The following SYMPK variants were observed in gnomAD, a reference collection of about 807,000 sequenced individuals.
SYMPK encodes symplekin scaffold protein.
In SYMPK, 49 loss-of-function variants were observed where a neutral mutation model predicts 136.4. The ratio of observed to expected loss-of-function variants is 0.36; its 90% CI spans 0.29 to 0.46. SYMPK has a LOEUF of 0.46. Ranked by LOEUF, SYMPK falls within the 20% of genes least tolerant of loss-of-function variation. The pLI is 1.00. For synonymous variants in SYMPK, 766 were observed against 713.0 expected (o/e 1.07, Z -1.19); for missense variants, 1,365 against 1,690.0 (o/e 0.81, Z 3.37).
chr19:45,815,769 C>A, intron 26 of SYMPK, 72 bp from the exon 27 acceptor site: 2 of 1,587,734 alleles, frequency 1.3e-6, no homozygotes, highest in Non-Finnish European at 1.7e-6. Flanking sequence ...TCAGGCCCTG[C>A]CCCCTGATGG....
rs543349058 is a variant in SYMPK at position 45,827,934 on chromosome 19, G to A, written c.1986-16C>T. On this transcript the variant is annotated splice_polypyrimidine_tract_variant and intron_variant, in intron 14 of 26. Transcript: ENST00000245934. ...GGTGAAGATCCTGCCAGAGATGGAG[G>A]GAGGGCCATGGCTGCAGAGGAAGAG... 1.2e-6 allele frequency: 2 copies of A among 1,613,150 alleles called. No individual in the cohort carries two copies. The highest frequency in any genetic ancestry group is 1.7e-5 in the Admixed American group (1 of 60,014).
chr19:45,829,052 C>T lies in SYMPK; in HGVS notation c.1903G>A (p.Ala635Thr). ...TCATACTTGTCCAGGGAGCCCGAGG[C>T]ACCTGCGGCCAGGTAGGCGTTGTAC... ...QEYNAYLAAG[A>T]SGSLDKYEDC... The change falls in exon 14 of 27, where the codon GCC becomes ACC. Residue 635 changes from alanine to threonine, a missense_variant. Ala to Thr is a moderately conservative substitution (Grantham distance 58, BLOSUM62 0). Coordinates refer to ENST00000245934, the MANE Select transcript of SYMPK (RefSeq NM_004819.3). The T allele has an allele frequency of 6.2e-7, 1 of 1,614,154 alleles. No homozygotes were observed. The highest frequency in any genetic ancestry group is 1.7e-5 in the Admixed American group (1 of 60,022).
In SYMPK at chr19:45,827,555, C is replaced by T. The variant is rs1200835634; in HGVS notation, c.2136G>A (p.Gln712=). 1.2e-6 allele frequency: 2 copies of T among 1,614,038 alleles called. No individual in the cohort carries two copies. Among genetic ancestry groups the T allele is most frequent in the African/African-American group, 2.7e-5 (2 of 74,920 alleles). ...LIFKRPSRQF[Q]YLHVLLDLSS... ...TGAGGTCGAGGAGGACATGCAGGTA[C>T]TGGAACTGGCGGGACGGGCGCTTGA... Residue 712 remains glutamine (Q), a synonymous_variant, in exon 16 of 27, where the codon CAG becomes CAA. Coordinates refer to ENST00000245934, the MANE Select transcript of SYMPK (RefSeq NM_004819.3).
rs1240648306 is a variant in SYMPK at position 45,815,999 on chromosome 19, G to C, written c.3539C>G (p.Pro1180Arg). ...SSPSPSPSAR[P>R]GPPPSEEAMD... is the part of the protein sequence containing the mutation. ...GGCTTCCTCAGACGGGGGCGGGCCT[G>C]GCCGGGCCGACGGAGAGGGAGAGGG... The change falls in exon 26 of 27, where the codon CCA becomes CGA. Residue 1180 changes from proline to arginine, a missense_variant. Pro to Arg is a moderately radical substitution (Grantham distance 103). Around this residue, in one of 11 missense-constraint regions of SYMPK, gnomAD observed 341 missense variants for 270.5 expected, o/e 1.26. Transcript: ENST00000245934. The C allele has an allele frequency of 1.2e-5, 19 of 1,603,798 alleles. No homozygotes were observed. Among genetic ancestry groups the C allele is most frequent in the Non-Finnish European group, 1.5e-5 (18 of 1,175,920 alleles).
chr19:45,831,523 C>G lies in SYMPK; in HGVS notation c.1459G>C (p.Val487Leu). Residue 487 changes from valine (V) to leucine (L), a missense_variant, in exon 12 of 27, where the codon GTC becomes CTC. Transcript: ENST00000245934. The stretch of plus-strand genomic sequence containing the variant: ...GCTGACAGGCGCCGCTTGATCAGGA[C>G]GCTCTCTGTCTTCACCACCTTCTCC... ...KEEKVVKTES[V>L]LIKRRLSAQG... The G allele has an allele frequency of 3.1e-6, 5 of 1,611,718 alleles. No individual in the cohort carries two copies. The highest frequency in any genetic ancestry group is 4.2e-6 in the Non-Finnish European group (5 of 1,179,162).
In SYMPK at chr19:45,825,185, C is replaced by T. The variant is rs766793642; in HGVS notation, c.2476G>A (p.Val826Ile). 1 of 1,613,570 alleles carries T rather than the reference C, an allele frequency of 6.2e-7. No homozygotes were observed. The highest frequency in any genetic ancestry group is 1.1e-5 in the South Asian group (1 of 91,042). ...AGGGGCCTCACCGGCTGCTCAATGA[C>T]CCTCAGCACCGTCCGCTTGATGTCG... The part of the protein sequence containing the change: ...IADIKRTVLR[V>I]IEQPIRGMGM... Residue 826 changes from valine to isoleucine, a missense_variant, in exon 18 of 27, where the codon GTC (valine) becomes ATC (isoleucine). Coordinates refer to ENST00000245934, the MANE Select transcript of SYMPK (RefSeq NM_004819.3).
At chr19:45,849,480 G>A (rs552282367) in intron 5 of SYMPK, among the ~76,000 whole-genome samples, 152 of 152,248 alleles carry the variant, frequency 1.0e-3, no homozygotes, top group African/African-American at 3.4e-3. Context: ...TAGGAGCTCA[G>A]CACAGAATTT....
intron 18 of SYMPK, chr19:45,824,129 C>T (rs1970978600): frequency 4.0e-6 from 2 of 494,478 alleles, no homozygotes; most frequent in East Asian, 7.5e-5. Context: ...GGCCACTCCT[C>T]TGTGGCTCAG....
intron 18 of SYMPK, among the ~76,000 whole-genome samples, chr19:45,824,341 C>A (rs1282429644): frequency 1.3e-5 from 2 of 152,174 alleles, no homozygotes; most frequent in Non-Finnish European, 2.9e-5. Flanking sequence ...TCCACCTCTG[C>A]CCAGTAACGT....
chr19:45,857,559 G>T (rs1204793073), intron 1 of SYMPK, among the ~76,000 whole-genome samples: 3 of 147,828 alleles, frequency 2.0e-5, no homozygotes, highest in Non-Finnish European at 4.5e-5. Flanking sequence ...TGGCGTGATC[G>T]TGGCTCACTG....
chr19:45,823,795 C>G lies in SYMPK; in HGVS notation c.2571G>C (p.Thr857=). Residue 857 remains threonine (T), a synonymous_variant, in exon 19 of 27, where the codon ACG becomes ACC. Coordinates refer to ENST00000245934, the MANE Select transcript of SYMPK (RefSeq NM_004819.3). The part of the protein sequence containing the change: ...NCPKGAETLV[T]RCLHSLTDKV... ...TGTCTGTGAGGCTGTGCAGACATCT[C>G]GTGACCAGTGTCTCTGCTCCCTTGG... 6.2e-7 allele frequency: 1 copy of G among 1,613,926 alleles called. No individual in the cohort carries two copies. Among genetic ancestry groups the G allele is most frequent in the Non-Finnish European group, 8.5e-7 (1 of 1,179,940 alleles).
At chr19:45,845,545 C>A (rs1480598529) in intron 7 of SYMPK, among the ~76,000 whole-genome samples, 1 of 152,076 alleles carries the variant, frequency 6.6e-6, no homozygotes, top group Admixed American at 6.6e-5. Flanking sequence ...TTTTTTATGG[C>A]TGAATAGTAT....
chr19:45,827,721 G>T, intron 15 of SYMPK, 98 bp from the exon 16 acceptor site: 2 of 1,491,180 alleles, frequency 1.3e-6, no homozygotes, highest in Non-Finnish European at 1.9e-6. Flanking sequence ...TGGACAAAAG[G>T]GCCCGGTCCC....
At chr19:45,816,382 G>C (rs567319866) in intron 25 of SYMPK, 100 bp downstream of exon 25, 6 of 1,447,574 alleles carry the variant, frequency 4.1e-6, no homozygotes. Context: ...GGGGTGGCCT[G>C]AGTCTCTCGG....
At chr19:45,838,941 C>T (rs1971371063) in intron 9 of SYMPK, among the ~76,000 whole-genome samples, 1 of 152,224 alleles carries the variant, frequency 6.6e-6, no homozygotes, top group African/African-American at 2.4e-5. Context: ...GGCTGCAGTA[C>T]AATGGCATGA....
At chr19:45,840,130 T>A (rs567518620) in intron 9 of SYMPK, among the ~76,000 whole-genome samples, 1 of 151,362 alleles carries the variant, frequency 6.6e-6, no homozygotes, top group African/African-American at 2.4e-5. Context: ...CTGGCCAACA[T>A]GGTGAAACCC....
chr19:45,835,916 A>G (rs1317802884), intron 10 of SYMPK, among the ~76,000 whole-genome samples: 2 of 144,606 alleles, frequency 1.4e-5, no homozygotes, highest in Non-Finnish European at 3.0e-5. Context: ...CATCTCATTC[A>G]TAAAGAAAGA....
intron 1 of SYMPK, among the ~76,000 whole-genome samples, chr19:45,860,177 C>T (rs1204965493): frequency 6.6e-6 from 1 of 151,560 alleles, no homozygotes; most frequent in South Asian, 2.1e-4. Context: ...TGAACACGGC[C>T]GGGCACGGTG....
At chr19:45,841,541 C>G (rs1971436517) in intron 9 of SYMPK, among the ~76,000 whole-genome samples, 1 of 151,238 alleles carries the variant, frequency 6.6e-6, no homozygotes, top group Admixed American at 6.6e-5. Context: ...GATTCACATG[C>G]CTTGGCCTCC....
Sources: allele counts gnomAD v4.1 joint callset (sites outside exome capture counted in the v4.1 genomes callset), GRCh38; gene constraint gnomAD v4.1.1; regional missense constraint gnomAD v4.1.1; transcripts MANE v1.5; gene names NCBI Gene and HGNC (gene_info 2026-07-23, HGNC 2026-07-21).